CEP112: variants seen among roughly 807,000 people sequenced by gnomAD.
CEP112 encodes centrosomal protein 112, also known as centrosomal protein of 112 kDa.
Under a neutral mutation model 153.0 loss-of-function variants are expected in CEP112, and 127 were observed. The observed-to-expected ratio is 0.83, with a 90% CI of 0.72 to 0.96. The LOEUF is 0.96. CEP112 is among the 40% of genes least tolerant of loss of function. The pLI, the probability that CEP112 is intolerant of heterozygous loss-of-function variation, is 0.00. For missense variants in CEP112, 1,089 were observed against 1,101.2 expected, an observed-to-expected ratio of 0.99 and a Z score of 0.16; for synonymous variants, 358 against 374.4, an observed-to-expected ratio of 0.96 and a Z score of 0.51.
intron 6 of CEP112, among the ~76,000 whole-genome samples, chr17:66,099,233 G>A (rs1175489348): frequency 1.3e-5 from 2 of 152,206 alleles, no homozygotes; most frequent in African/African-American, 4.8e-5. Flanking sequence ...GCCAGGAGCT[G>A]TGGCTCTTGC....
intron 24 of CEP112, among the ~76,000 whole-genome samples, chr17:65,672,026 C>CA: frequency 6.6e-6 from 1 of 152,240 alleles, no homozygotes; most frequent in African/African-American, 2.4e-5. Context: ...AGGAATGATA[C>CA]AATTGCCTAC....
chr17:66,161,627 T>A (rs1757989684), intron 4 of CEP112, among the ~76,000 whole-genome samples: 1 of 151,886 alleles, frequency 6.6e-6, no homozygotes. Context: ...AAGTGGGAGT[T>A]GAACATGAGA....
intron 24 of CEP112, among the ~76,000 whole-genome samples, chr17:65,685,457 G>C (rs375461803): frequency 6.6e-6 from 1 of 152,046 alleles, no homozygotes; most frequent in African/African-American, 2.4e-5. Context: ...AACAATATTT[G>C]CTTGAAAAGA....
chr17:66,050,825 G>C (rs1398518428), intron 12 of CEP112, among the ~76,000 whole-genome samples: 1 of 152,078 alleles, frequency 6.6e-6, no homozygotes, highest in East Asian at 1.9e-4. Flanking sequence ...GAGCCTGCTA[G>C]ATCAATTTCA....
At chr17:66,118,396 T>G (rs1413516205) in intron 6 of CEP112, among the ~76,000 whole-genome samples, 1 of 152,132 alleles carries the variant, frequency 6.6e-6, no homozygotes, top group African/African-American at 2.4e-5. Context: ...TACTGTCATT[T>G]GCAACAACAT....
At chr17:65,657,026 G>C (rs2046097023) in intron 24 of CEP112, among the ~76,000 whole-genome samples, 1 of 152,176 alleles carries the variant, frequency 6.6e-6, no homozygotes, top group Non-Finnish European at 1.5e-5. Flanking sequence ...CTTCAAAGCT[G>C]AGAAAGTCGG....
At chr17:65,723,684 T>C (rs1431125269) in intron 23 of CEP112, among the ~76,000 whole-genome samples, 1 of 152,230 alleles carries the variant, frequency 6.6e-6, no homozygotes, top group African/African-American at 2.4e-5. Context: ...AACTAGTCTA[T>C]TTGTTTTGGC....
chr17:65,963,174 C>G (rs2062276896), intron 17 of CEP112, among the ~76,000 whole-genome samples: 1 of 151,726 alleles, frequency 6.6e-6, no homozygotes, highest in Non-Finnish European at 1.5e-5. Flanking sequence ...CTTCCAGATG[C>G]CACAGGTAAG....
At chr17:66,134,763 A>G (rs1440127265) in intron 4 of CEP112, among the ~76,000 whole-genome samples, 2 of 152,160 alleles carry the variant, frequency 1.3e-5, no homozygotes, top group Non-Finnish European at 2.9e-5. Context: ...TTGAGGCTAC[A>G]GTGAGCTGTG....
intron 20 of CEP112, among the ~76,000 whole-genome samples, chr17:65,854,525 T>C (rs1196454005): frequency 6.6e-6 from 1 of 152,204 alleles, no homozygotes; most frequent in East Asian, 1.9e-4. Context: ...AAGAAAATGC[T>C]TTATAGTAAT....
intron 10 of CEP112, among the ~76,000 whole-genome samples, chr17:66,064,334 AAAATG>A (rs2067034914): frequency 6.6e-6 from 1 of 152,206 alleles, no homozygotes; most frequent in Non-Finnish European, 1.5e-5. Context: ...TTATGTTACT[AAAATG>A]AAATAGGTTT....
intron 12 of CEP112, among the ~76,000 whole-genome samples, chr17:66,041,612 T>C (rs897813677): frequency 1.3e-5 from 2 of 152,148 alleles, no homozygotes; most frequent in African/African-American, 2.4e-5. Context: ...CACACAGATA[T>C]TGGTTTCCAA....
intron 16 of CEP112, 140 bp from the exon 17 acceptor site, chr17:66,005,909 T>C (rs1367009673): frequency 7.0e-6 from 5 of 718,564 alleles, no homozygotes; most frequent in East Asian, 3.0e-5. Context: ...AGAAACTTGG[T>C]CTACCATAGA....
At chr17:65,822,794 G>A (rs2056652607) in intron 21 of CEP112, among the ~76,000 whole-genome samples, 1 of 152,024 alleles carries the variant, frequency 6.6e-6, no homozygotes, top group Non-Finnish European at 1.5e-5. Flanking sequence ...CCTTCATAGG[G>A]AAAACTATTA....
At chr17:65,808,298 T>C (rs2055734982) in intron 21 of CEP112, among the ~76,000 whole-genome samples, 1 of 152,206 alleles carries the variant, frequency 6.6e-6, no homozygotes, top group South Asian at 2.1e-4. Context: ...AACTTGTTTC[T>C]GATTTTACAG....
intron 20 of CEP112, among the ~76,000 whole-genome samples, chr17:65,882,183 T>G (rs1190398763): frequency 6.6e-6 from 1 of 152,246 alleles, no homozygotes; most frequent in Non-Finnish European, 1.5e-5. Context: ...ACCTCCCTTC[T>G]GCCTGCTGCC....
chr17:65,758,967 G>A (rs1295584095), intron 21 of CEP112, among the ~76,000 whole-genome samples: 1 of 152,124 alleles, frequency 6.6e-6, no homozygotes, highest in Non-Finnish European at 1.5e-5. Flanking sequence ...TAAGGCAGTC[G>A]AAGTCACAGA....
intron 12 of CEP112, among the ~76,000 whole-genome samples, chr17:66,037,811 G>A (rs2065800450): frequency 6.6e-6 from 1 of 151,958 alleles, no homozygotes; most frequent in African/African-American, 2.4e-5. Flanking sequence ...CATACCTGAG[G>A]CCAAACTTTA....
chr17:66,124,200 T>A (rs1256864788), intron 6 of CEP112, among the ~76,000 whole-genome samples: 2 of 152,158 alleles, frequency 1.3e-5, no homozygotes, highest in Non-Finnish European at 2.9e-5. Flanking sequence ...GGGGAAAGAC[T>A]GGAACTTGTA....
Sources: allele counts gnomAD v4.1 joint callset (sites outside exome capture counted in the v4.1 genomes callset), GRCh38; gene constraint gnomAD v4.1.1; transcripts MANE v1.5; gene names NCBI Gene and HGNC (gene_info 2026-07-23, HGNC 2026-07-21).